The following KPNA6 variants were observed in gnomAD, a reference collection of about 807,000 sequenced individuals.
KPNA6 encodes importin subunit alpha-7.
KPNA6 carries 9 observed loss-of-function variants against 72.0 expected under a neutral mutation model. The ratio of observed to expected loss-of-function variants is 0.13; its 90% CI spans 0.08 to 0.22. KPNA6 has a LOEUF of 0.22. KPNA6 is among the 10% of genes least tolerant of loss of function. The pLI is 1.00. For synonymous variants in KPNA6, 219 were observed against 242.1 expected (o/e 0.90, Z 0.89); for missense variants, 374 against 655.7 (o/e 0.57, Z 4.69).
intron 1 of KPNA6, among the ~76,000 whole-genome samples, chr1:32,125,386 A>G (rs1017036151): frequency 1.3e-5 from 2 of 152,216 alleles, no homozygotes; most frequent in Non-Finnish European, 1.5e-5. Flanking sequence ...AAGTCACACA[A>G]TCCACTGAGG....
rs542009120 is a variant in KPNA6 at position 32,113,346 on chromosome 1, G to A, written c.4+5212G>A. Reference sequence around the variant, plus strand: ...AGGTTGAGGTTGCAGTGAGATGATTGTGCCATTGCACACCAGCCTGGGCGA... The same window carrying A: ...AGGTTGAGGTTGCAGTGAGATGATTATGCCATTGCACACCAGCCTGGGCGA... On this transcript the variant is annotated intron_variant, in intron 1 of 13. Transcript: ENST00000373625. Among the ~76,000 whole-genome samples the A allele has an allele frequency of 2.0e-5, 3 of 152,174 alleles. No homozygotes were observed. The East Asian group carries it at 5.8e-4, about 29-fold the overall frequency.
At chr1:32,150,644 T>C (rs1220517846) in intron 1 of KPNA6, among the ~76,000 whole-genome samples, 1 of 152,016 alleles carries the variant, frequency 6.6e-6, no homozygotes, top group Non-Finnish European at 1.5e-5. Context: ...TTTGTTCATT[T>C]GGAGACAGAG....
chr1:32,112,908 C>T (rs912080735), intron 1 of KPNA6, among the ~76,000 whole-genome samples: 1 of 152,106 alleles, frequency 6.6e-6, no homozygotes. Context: ...TGAGACTGAT[C>T]AGGGTGGTGA....
In KPNA6 at chr1:32,163,399, A is replaced by G. The variant is rs530841862; in HGVS notation, c.990+86A>G. On this transcript the variant is annotated intron_variant, in intron 10 of 13. Transcript: ENST00000373625. ...CAGTGGACAAAAGCCTTTCCTGCAA[A>G]GGGCTGTGGTCCTGATGGGAGGCAC... 4.2e-6 allele frequency: 4 copies of G among 947,734 alleles called. No individual in the cohort carries two copies. In the South Asian group the frequency reaches 5.5e-5, roughly 13 times the overall value. 58.7% of individuals were successfully genotyped at this position (947,734 alleles called of 1,614,324 possible).
intron 2 of KPNA6, among the ~76,000 whole-genome samples, chr1:32,155,292 A>G (rs1000844442): frequency 6.7e-6 from 1 of 149,406 alleles, no homozygotes; most frequent in Non-Finnish European, 1.5e-5. Flanking sequence ...TTCTAGTTCT[A>G]GTTCCTTGTT....
chr1:32,157,516 A>G (rs887929959), intron 4 of KPNA6, 71 bp downstream of exon 4: 2 of 1,090,554 alleles, frequency 1.8e-6, no homozygotes, highest in East Asian at 2.4e-5. Context: ...GATGTCATCA[A>G]CTTACACGTG....
chr1:32,166,349 A>G (rs1642337301), intron 11 of KPNA6, 119 bp downstream of exon 11: 1 of 1,240,494 alleles, frequency 8.1e-7, no homozygotes. Flanking sequence ...TCAATTGGCC[A>G]GGCACGGTGG....
chr1:32,134,511 G>A (rs552527264), intron 1 of KPNA6, among the ~76,000 whole-genome samples: 11 of 151,604 alleles, frequency 7.3e-5, no homozygotes, highest in Admixed American at 6.6e-4. Context: ...TGTGGTGCAC[G>A]CCTATAATCT....
chr1:32,161,304 C>T (rs1395070253), intron 7 of KPNA6, among the ~76,000 whole-genome samples: 1 of 152,200 alleles, frequency 6.6e-6, no homozygotes, highest in Non-Finnish European at 1.5e-5. Flanking sequence ...AAAATCCAAC[C>T]TTCTCTACAA....
At chr1:32,138,595 G>A (rs548991346) in intron 1 of KPNA6, among the ~76,000 whole-genome samples, 8 of 151,570 alleles carry the variant, frequency 5.3e-5, no homozygotes, top group Admixed American at 4.6e-4. Flanking sequence ...GAGATCGTGA[G>A]CTTGGAGTGG....
intron 1 of KPNA6, among the ~76,000 whole-genome samples, chr1:32,111,913 A>G (rs1641249268): frequency 6.6e-6 from 1 of 152,168 alleles, no homozygotes; most frequent in Non-Finnish European, 1.5e-5. Flanking sequence ...CTACAACCTC[A>G]TGAGTCTTGG....
chr1:32,154,413 TAA>T (rs1642096523), intron 1 of KPNA6, among the ~76,000 whole-genome samples, 173 bp from the exon 2 acceptor site: 1 of 123,886 alleles, frequency 8.1e-6, no homozygotes, highest in Non-Finnish European at 1.6e-5. Context: ...TTATTGTAAT[TAA>T]AAGATACTGG....
At chr1:32,144,777 A>G (rs1033949263) in intron 1 of KPNA6, among the ~76,000 whole-genome samples, 3 of 151,262 alleles carry the variant, frequency 2.0e-5, no homozygotes, top group Non-Finnish European at 4.4e-5. Context: ...CAGCCTCCCG[A>G]GTAGCTGGGA....
At chr1:32,128,406 TATATATATATATATATATATAC>T (rs1194259200) in intron 1 of KPNA6, among the ~76,000 whole-genome samples, 5 of 126,830 alleles carry the variant, frequency 3.9e-5, no homozygotes, top group African/African-American at 1.6e-4. Flanking sequence ...TATATATATA[TATATATATATATATATATATAC>T]ACACACACAC....
At position 32,174,227 on chromosome 1, in the gene KPNA6, G is replaced by C. The variant is rs953973581; in HGVS notation, c.*3333G>C. 1 of 152,352 alleles carries C rather than the reference G, an allele frequency of 6.6e-6. No individual in the cohort carries two copies. Among genetic ancestry groups the C allele is most frequent in the Admixed American group, 6.5e-5 (1 of 15,270 alleles). 9.4% of individuals were successfully genotyped at this position (152,352 alleles called of 1,614,324 possible). ...GACCCTTGGTGTTGCTCCTTACCTA[G>C]AGCCCATTAATCTACCCCATCAACT... On this transcript the variant is annotated 3_prime_UTR_variant, in exon 14 of 14. Transcript: ENST00000373625.
chr1:32,157,478 A>G (rs770468031), intron 4 of KPNA6, 33 bp downstream of exon 4: 23 of 1,489,128 alleles, frequency 1.5e-5, no homozygotes, highest in Non-Finnish European at 2.1e-5. Flanking sequence ...GAGAGGCCTT[A>G]TATGATTTAG....
chr1:32,169,507 C>T (rs928867748), intron 12 of KPNA6, among the ~76,000 whole-genome samples: 33 of 148,774 alleles, frequency 2.2e-4, no homozygotes, highest in Middle Eastern at 3.3e-3. Context: ...AGTGCAGTGG[C>T]GTAATCTCGG....
At chr1:32,128,337 G>C (rs926737256) in intron 1 of KPNA6, among the ~76,000 whole-genome samples, 9 of 139,916 alleles carry the variant, frequency 6.4e-5, no homozygotes, top group African/African-American at 2.3e-4. Flanking sequence ...ATTAGGATTA[G>C]CAAACTAGAA....
In KPNA6 at chr1:32,154,738, A is replaced by G. The variant is rs1427111612; in HGVS notation, c.138+17A>G. ...GAGCAACAAGTGAGTTAATGGGAGT[A>G]TTCTCAAACATACTATTCTGGGAAA... On this transcript the variant is annotated intron_variant, in intron 2 of 13. Coordinates refer to ENST00000373625, the MANE Select transcript of KPNA6 (RefSeq NM_012316.5). 4.3e-6 allele frequency: 7 copies of G among 1,613,088 alleles called. No individual in the cohort carries two copies. Among genetic ancestry groups the G allele is most frequent in the Non-Finnish European group, 5.9e-6 (7 of 1,179,616 alleles).
Sources: gnomAD v4.1 joint callset for allele counts (sites outside exome capture counted in the v4.1 genomes callset) on GRCh38, gnomAD v4.1.1 for gene constraint, MANE v1.5 for transcripts, NCBI Gene and HGNC (gene_info 2026-07-23, HGNC 2026-07-21) for gene names.